FERMT2: variants seen among roughly 807,000 people sequenced by gnomAD.
FERMT2 encodes the protein fermitin family homolog 2.
In FERMT2, 15 loss-of-function variants were observed where a neutral mutation model predicts 82.7. That is an observed-to-expected ratio of 0.18 (90% CI 0.12 to 0.28). FERMT2 has a LOEUF of 0.28. Among genes scored for constraint, FERMT2 ranks in the 10% least tolerant of loss-of-function variants. The probability of loss-of-function intolerance (pLI) is 1.00; values close to 1 mark genes in which losing one functional copy is unlikely to be tolerated. For missense variants in FERMT2, 645 were observed against 809.4 expected, an observed-to-expected ratio of 0.80 and a Z score of 2.46; for synonymous variants, 274 against 271.5, an observed-to-expected ratio of 1.01 and a Z score of -0.09.
intron 3 of FERMT2, among the ~76,000 whole-genome samples, chr14:52,901,558 G>C (rs1398449793): frequency 1.3e-5 from 2 of 152,172 alleles, no homozygotes; most frequent in Non-Finnish European, 2.9e-5. Flanking sequence ...AGGAAGAAGA[G>C]AGATGAGACA....
chr14:52,897,069 T>A, intron 3 of FERMT2, among the ~76,000 whole-genome samples: 1 of 146,856 alleles, frequency 6.8e-6, no homozygotes, highest in African/African-American at 2.6e-5. Flanking sequence ...AATTTGGAAG[T>A]TACCTCCCTC....
chr14:52,870,290 C>A (rs1885537322), intron 10 of FERMT2, among the ~76,000 whole-genome samples: 1 of 149,762 alleles, frequency 6.7e-6, no homozygotes, highest in African/African-American at 2.5e-5. Flanking sequence ...GTTCTTGTTG[C>A]CCAAGCTGGA....
intron 4 of FERMT2, among the ~76,000 whole-genome samples, chr14:52,883,310 G>GT (rs1487624064): frequency 2.6e-5 from 4 of 152,102 alleles, no homozygotes; most frequent in African/African-American, 9.7e-5. Context: ...AACTAGACAG[G>GT]TATTTTTCAA....
intron 3 of FERMT2, among the ~76,000 whole-genome samples, chr14:52,911,916 G>C (rs192895108): frequency 8.6e-4 from 130 of 151,956 alleles, no homozygotes; most frequent in Non-Finnish European, 1.5e-3. Context: ...TGTTTGACTG[G>C]ATCTTTACAC....
chr14:52,948,653 G>C (rs974578972), intron 2 of FERMT2: 1 of 448,784 alleles, frequency 2.2e-6, no homozygotes, highest in Non-Finnish European at 4.4e-6. Flanking sequence ...CATCATTTCT[G>C]TCTGCAGTTT....
intron 10 of FERMT2, 100 bp downstream of exon 10, chr14:52,872,698 TG>T (rs1195936010): frequency 4.0e-6 from 5 of 1,263,838 alleles, no homozygotes; most frequent in Non-Finnish European, 5.5e-6. Flanking sequence ...GTAAAGAAAT[TG>T]ATTTTTTTAA....
intron 7 of FERMT2, among the ~76,000 whole-genome samples, chr14:52,877,930 G>A (rs777024887): frequency 6.6e-6 from 1 of 152,136 alleles, no homozygotes; most frequent in Non-Finnish European, 1.5e-5. Flanking sequence ...CTCAGTATCT[G>A]TAAGAATGTG....
chr14:52,949,281 A>G (rs1353888610), intron 2 of FERMT2, among the ~76,000 whole-genome samples: 1 of 151,936 alleles, frequency 6.6e-6, no homozygotes, highest in Admixed American at 6.6e-5. Context: ...CTATTTCAGT[A>G]CCTTTACATA....
At chr14:52,858,618 T>C (rs1410576351) in intron 14 of FERMT2, 68 bp from the exon 15 acceptor site, 2 of 1,432,222 alleles carry the variant, frequency 1.4e-6, no homozygotes, top group African/African-American at 1.4e-5. Flanking sequence ...ACAAAACTAC[T>C]GTGCTACTTA....
intron 2 of FERMT2, among the ~76,000 whole-genome samples, chr14:52,940,311 T>C (rs1198973174): frequency 6.6e-6 from 1 of 152,254 alleles, no homozygotes; most frequent in Non-Finnish European, 1.5e-5. Flanking sequence ...AATCATTTAC[T>C]GCTTATCTCT....
At chr14:52,908,014 C>G (rs1018011708) in intron 3 of FERMT2, among the ~76,000 whole-genome samples, 2 of 152,168 alleles carry the variant, frequency 1.3e-5, no homozygotes, top group Admixed American at 1.3e-4. Flanking sequence ...AGATGACAGC[C>G]TAATTTAAAG....
chr14:52,889,996 G>A (rs1012531724), intron 4 of FERMT2, among the ~76,000 whole-genome samples: 1 of 151,952 alleles, frequency 6.6e-6, no homozygotes, highest in Admixed American at 6.6e-5. Flanking sequence ...AAGTATGGTG[G>A]TGTGCGCCTA....
At chr14:52,881,793 C>T (rs1392956387) in intron 4 of FERMT2, 13 of 1,308,908 alleles carry the variant, frequency 9.9e-6, no homozygotes, top group African/African-American at 1.5e-5. Flanking sequence ...TGGCAAGGCT[C>T]ACCTTTCAGA....
At position 52,857,837 on chromosome 14, in the gene FERMT2, G is replaced by C. The variant is rs1220724510; in HGVS notation, c.*540C>G. ...TTATTCAAGGACAAAAACAAATCAA[G>C]CACGACGGACTAATAGCATTTTCCT... is the stretch of plus-strand genomic sequence containing the variant. On this transcript the variant is annotated 3_prime_UTR_variant, in exon 15 of 15. Coordinates refer to ENST00000341590, the MANE Select transcript of FERMT2 (RefSeq NM_006832.3). 6.5e-6 allele frequency: 1 copy of C among 153,442 alleles called. No individual in the cohort carries two copies. Among genetic ancestry groups the C allele is most frequent in the Non-Finnish European group, 1.5e-5 (1 of 68,600 alleles). 9.5% of individuals were successfully genotyped at this position (153,442 alleles called of 1,614,324 possible).
chr14:52,940,149 T>C (rs1320966583), intron 2 of FERMT2, among the ~76,000 whole-genome samples: 1 of 152,166 alleles, frequency 6.6e-6, no homozygotes, highest in Non-Finnish European at 1.5e-5. Context: ...GGGCTGGAGG[T>C]TATCAGCCCA....
chr14:52,885,070 T>C (rs1472760999), intron 4 of FERMT2, among the ~76,000 whole-genome samples: 2 of 151,892 alleles, frequency 1.3e-5, no homozygotes, highest in East Asian at 3.9e-4. Flanking sequence ...GCCCGCACTT[T>C]GAGAGGCCAA....
chr14:52,871,820 C>T (rs1344783693), intron 10 of FERMT2: 2 of 152,444 alleles, frequency 1.3e-5, no homozygotes, highest in Admixed American at 6.5e-5. Context: ...AAATACCAGA[C>T]CCTAGTTCTG....
At chr14:52,877,149 A>G (rs1025775225) in intron 7 of FERMT2, among the ~76,000 whole-genome samples, 1 of 152,222 alleles carries the variant, frequency 6.6e-6, no homozygotes, top group Non-Finnish European at 1.5e-5. Context: ...TGCCAGGCAT[A>G]TAATAGGCAT....
At chr14:52,929,155 T>C (rs978590177) in intron 2 of FERMT2, among the ~76,000 whole-genome samples, 5 of 152,150 alleles carry the variant, frequency 3.3e-5, no homozygotes, top group South Asian at 2.1e-4. Flanking sequence ...CTTATTATAC[T>C]AACTAGCACC....
Sources: gnomAD v4.1 joint callset for allele counts (sites outside exome capture counted in the v4.1 genomes callset) on GRCh38, gnomAD v4.1.1 for gene constraint, MANE v1.5 for transcripts, NCBI Gene and HGNC (gene_info 2026-07-23, HGNC 2026-07-21) for gene names.